TBCD: variants seen among roughly 807,000 people sequenced by gnomAD.
The protein encoded by TBCD is tubulin-specific chaperone D.
In TBCD, 105 loss-of-function variants were observed where a neutral mutation model predicts 169.3. The ratio of observed to expected loss-of-function variants is 0.62; its 90% CI spans 0.53 to 0.73. The LOEUF is 0.73. TBCD is among the 30% of genes least tolerant of loss of function. TBCD has a pLI of 0.00. For synonymous variants in TBCD, 700 were observed against 643.9 expected, an observed-to-expected ratio of 1.09 and a Z score of -1.32; for missense variants, 1,444 against 1,600.1, an observed-to-expected ratio of 0.90 and a Z score of 1.66.
chr17:82,902,631 C>T (rs903091147), intron 18 of TBCD, among the ~76,000 whole-genome samples: 7 of 152,226 alleles, frequency 4.6e-5, no homozygotes, highest in African/African-American at 7.2e-5. Context: ...GTCCTGCCAG[C>T]GCGGGCGTCT....
chr17:82,830,461 G>T, intron 13 of TBCD: 1 of 1,612,690 alleles, frequency 6.2e-7, no homozygotes, highest in Non-Finnish European at 8.5e-7. Flanking sequence ...TGCGTCTGGA[G>T]CCTCCTCGCC....
intron 28 of TBCD, chr17:82,926,852 A>G: frequency 2.0e-6 from 1 of 491,150 alleles, no homozygotes; most frequent in South Asian, 2.5e-5. Flanking sequence ...CCCTGCAGGC[A>G]CACAAGAGGA....
intron 4 of TBCD, 68 bp downstream of exon 4, chr17:82,766,436 C>T: frequency 1.0e-6 from 1 of 1,001,020 alleles, no homozygotes; most frequent in Non-Finnish European, 1.5e-6. Context: ...GCTTGCCCCA[C>T]CCTGCTGCAC....
Position 82,862,902 on chromosome 17 carries a change from C to T in TBCD, c.1319-7322C>T, listed in dbSNP as rs182922470. Among the ~76,000 whole-genome samples, 8 of 152,304 alleles carry T rather than the reference C, an allele frequency of 5.3e-5. 1 individual carries two copies. In the East Asian group the frequency reaches 5.8e-4, roughly 11 times the overall value. On this transcript the variant is annotated intron_variant, in intron 13 of 38. Coordinates refer to ENST00000355528, the MANE Select transcript of TBCD (RefSeq NM_005993.5). The stretch of plus-strand genomic sequence containing the variant: ...CTCACGCGTCCGAGGTGGCTGCCGG[C>T]GTGCGGGTGTGACTGTCGATGAGAG...
intron 13 of TBCD, among the ~76,000 whole-genome samples, chr17:82,823,493 G>A (rs1196701798): frequency 6.6e-6 from 1 of 152,028 alleles, no homozygotes; most frequent in Non-Finnish European, 1.5e-5. Context: ...TTTTCCTTGT[G>A]TGAACGTGTG....
At chr17:82,929,890 C>T in intron 32 of TBCD, 1 of 382,068 alleles carries the variant, frequency 2.6e-6, no homozygotes, top group Non-Finnish European at 5.0e-6. Context: ...CTTCTCATGT[C>T]TGTGGGGAGG....
At chr17:82,870,753 G>A (rs2057499589) in intron 14 of TBCD, among the ~76,000 whole-genome samples, 1 of 152,262 alleles carries the variant, frequency 6.6e-6, no homozygotes, top group Non-Finnish European at 1.5e-5. Context: ...GAAGCAAGTG[G>A]GGCACGGGAA....
At chr17:82,777,973 A>G (rs1355448713) in intron 6 of TBCD, among the ~76,000 whole-genome samples, 3 of 152,254 alleles carry the variant, frequency 2.0e-5, no homozygotes, top group Non-Finnish European at 4.4e-5. Context: ...CGCTAGACCA[A>G]GGAGCCCTCT....
intron 17 of TBCD, among the ~76,000 whole-genome samples, chr17:82,899,460 T>C (rs1216532518): frequency 2.0e-5 from 3 of 150,786 alleles, no homozygotes; most frequent in African/African-American, 4.9e-5. Context: ...GTCCTCAGCG[T>C]GTGTGTCCGC....
chr17:82,770,303 GGTAGT>G (rs2048238714), intron 5 of TBCD, among the ~76,000 whole-genome samples: 1 of 152,174 alleles, frequency 6.6e-6, no homozygotes, highest in Admixed American at 6.5e-5. Context: ...TTACGTTAGA[GGTAGT>G]GTGGTGATGG....
chr17:82,866,476 C>T (rs542376717), intron 13 of TBCD, among the ~76,000 whole-genome samples: 11 of 152,384 alleles, frequency 7.2e-5, no homozygotes, highest in South Asian at 2.1e-4. Context: ...CTAGGACTCC[C>T]GGGGATGCCG....
At chr17:82,798,281 G>A (rs2050256779) in intron 8 of TBCD, among the ~76,000 whole-genome samples, 1 of 152,010 alleles carries the variant, frequency 6.6e-6, no homozygotes, top group Non-Finnish European at 1.5e-5. Context: ...CGAGTAGCTG[G>A]GACTACAGGT....
chr17:82,927,172 A>AT lies in TBCD; in HGVS notation c.2472-10dup. ...CCGATGTTTGTTTGTTAGCTCACAC[A>AT]TTTTAAATTTCAGGATTTGCCAGAC... On this transcript the variant is annotated splice_polypyrimidine_tract_variant and intron_variant, in intron 28 of 38. Coordinates refer to ENST00000355528, the MANE Select transcript of TBCD (RefSeq NM_005993.5). The AT allele has an allele frequency of 6.2e-7, 1 of 1,613,952 alleles. No homozygotes were observed. The highest frequency in any genetic ancestry group is 8.5e-7 in the Non-Finnish European group (1 of 1,179,874).
intron 5 of TBCD, among the ~76,000 whole-genome samples, chr17:82,769,738 C>T (rs544711417): frequency 6.6e-6 from 1 of 151,838 alleles, no homozygotes; most frequent in African/African-American, 2.4e-5. Flanking sequence ...TTAGCTGGGC[C>T]TGGTGACACA....
chr17:82,851,794 C>T lies in TBCD; in HGVS notation c.1319-18430C>T, dbSNP rs549661334. Among the ~76,000 whole-genome samples, 19 of 152,232 alleles carry T rather than the reference C, an allele frequency of 1.2e-4. No individual in the cohort carries two copies. In the East Asian group the frequency reaches 2.7e-3, roughly 22 times the overall value. ...CGGAAGGGAGCCCTCGTGCAGCCACCGTGGAGATGGAAAATGGCATGTTAA... is the reference window on the plus strand; with the variant it reads ...CGGAAGGGAGCCCTCGTGCAGCCACTGTGGAGATGGAAAATGGCATGTTAA... On this transcript the variant is annotated intron_variant, in intron 13 of 38. Coordinates refer to ENST00000355528, the MANE Select transcript of TBCD (RefSeq NM_005993.5).
intron 12 of TBCD, among the ~76,000 whole-genome samples, chr17:82,812,906 A>G (rs980813597): frequency 1.1e-4 from 16 of 151,998 alleles, no homozygotes; most frequent in African/African-American, 3.9e-4. Context: ...TGCGGCCTCT[A>G]CTTCCTAAGT....
At chr17:82,768,686 T>C (rs1282463835) in intron 5 of TBCD, 120 bp downstream of exon 5, 1 of 1,105,698 alleles carries the variant, frequency 9.0e-7, no homozygotes, top group Non-Finnish European at 1.3e-6. Flanking sequence ...TTTTTTTCAG[T>C]GGGGTAAAAT....
rs1385481563 is a variant in TBCD, at chr17:82,807,660, A to G, written c.1140A>G (p.Ala380=). ...AGGACACGGTCGTGCGGTGGTCTGC[A>G]GCCAAGGGGTAGGTGTCTGTGGCCG... ...KDKDTVVRWS[A]AKGIGRMAGR... The change falls in exon 11 of 39, where the codon GCA becomes GCG. Residue 380 remains alanine, a synonymous_variant. Coordinates refer to ENST00000355528, the MANE Select transcript of TBCD (RefSeq NM_005993.5). The G allele has an allele frequency of 6.5e-7, 1 of 1,543,512 alleles. No individual in the cohort carries two copies. Among genetic ancestry groups the G allele is most frequent in the African/African-American group, 1.4e-5 (1 of 72,738 alleles).
At chr17:82,928,031 C>T (rs1162600551) in intron 30 of TBCD, 43 bp downstream of exon 30, 1 of 1,582,872 alleles carries the variant, frequency 6.3e-7, no homozygotes, top group Non-Finnish European at 8.6e-7. Flanking sequence ...AGAGGGCAGC[C>T]CCGAGCTTGG....
Sources: gnomAD v4.1 joint callset for allele counts (sites outside exome capture counted in the v4.1 genomes callset) on GRCh38, gnomAD v4.1.1 for gene constraint, MANE v1.5 for transcripts, NCBI Gene and HGNC (gene_info 2026-07-23, HGNC 2026-07-21) for gene names.